The following ACOT12 variants were observed in gnomAD, a reference collection of about 807,000 sequenced individuals.
The protein encoded by ACOT12 is acetyl-coenzyme A thioesterase.
A neutral mutation model predicts 67.7 loss-of-function variants in ACOT12; 51 were observed. That is an observed-to-expected ratio of 0.75 (90% CI 0.60 to 0.95). The LOEUF is 0.95. ACOT12 is among the 40% of genes least tolerant of loss of function. The pLI, the probability that ACOT12 is intolerant of heterozygous loss-of-function variation, is 0.00. For missense variants in ACOT12, 734 were observed against 708.1 expected, an observed-to-expected ratio of 1.04 and a Z score of -0.41; for synonymous variants, 251 against 244.6, an observed-to-expected ratio of 1.03 and a Z score of -0.24.
chr5:81,386,026 T>C (rs1760717077), intron 1 of ACOT12, among the ~76,000 whole-genome samples, 200 bp from the exon 2 acceptor site: 1 of 152,254 alleles, frequency 6.6e-6, no homozygotes, highest in Non-Finnish European at 1.5e-5. Context: ...TAATGTATGG[T>C]AATTACTGCA....
At chr5:81,352,562 A>G (rs932670896) in intron 5 of ACOT12, among the ~76,000 whole-genome samples, 1 of 152,038 alleles carries the variant, frequency 6.6e-6, no homozygotes, top group Non-Finnish European at 1.5e-5. Context: ...AATCAAAACA[A>G]TTGAACTCAT....
In ACOT12 at chr5:81,347,802, T is replaced by A. The variant is rs1368040833; in HGVS notation, c.625A>T (p.Met209Leu). Reference protein sequence around the residue: ...NTFGGQIMAWMETVATISASR... With the variant: ...NTFGGQIMAWLETVATISASR... The stretch of plus-strand genomic sequence containing the variant: ...GCAGAAATAGTAGCCACTGTCTCCA[T>A]CCACGCCATAATCTGGCCACCAAAT... Residue 209 changes from methionine to leucine, a missense_variant, in exon 6 of 15, where the codon ATG (methionine) becomes TTG (leucine). Coordinates refer to ENST00000307624, the MANE Select transcript of ACOT12 (RefSeq NM_130767.3). The A allele has an allele frequency of 6.2e-7, 1 of 1,614,146 alleles. No homozygotes were observed.
At chr5:81,317,710 G>A in the ACOT12 span, among the ~76,000 whole-genome samples, 24,881 of 151,764 alleles carry the variant, frequency 0.16, 2,483 homozygotes, top group East Asian at 0.26. Flanking sequence ...ACTCTGTCAC[G>A]AGAACAGCAA....
intron 2 of ACOT12, among the ~76,000 whole-genome samples, chr5:81,374,200 T>A (rs1314575316): frequency 6.6e-6 from 1 of 152,100 alleles, no homozygotes; most frequent in Non-Finnish European, 1.5e-5. Flanking sequence ...GCAAACAGGG[T>A]CTGGAGTGGG....
At chr5:81,384,966 T>C (rs1420857537) in intron 2 of ACOT12, among the ~76,000 whole-genome samples, 1 of 152,170 alleles carries the variant, frequency 6.6e-6, no homozygotes, top group Admixed American at 6.5e-5. Context: ...ATGTTTGAAA[T>C]GTTTGTGTAT....
chr5:81,377,226 C>A (rs1046845936), intron 2 of ACOT12, among the ~76,000 whole-genome samples: 1 of 152,126 alleles, frequency 6.6e-6, no homozygotes, highest in South Asian at 2.1e-4. Context: ...TAAACAGAAC[C>A]GATGACAAAA....
intron 3 of ACOT12, among the ~76,000 whole-genome samples, chr5:81,370,509 G>A (rs114851757): frequency 8.1e-4 from 123 of 152,268 alleles, no homozygotes; most frequent in African/African-American, 2.9e-3. Context: ...CAATATGACC[G>A]ATATCTTTAT....
intron 10 of ACOT12, 87 bp from the exon 11 acceptor site, chr5:81,342,842 G>T: frequency 1.5e-6 from 2 of 1,332,754 alleles, no homozygotes; most frequent in Non-Finnish European, 1.1e-6. Context: ...AATGGGCACT[G>T]TTGGAGGAGG....
intron 3 of ACOT12, among the ~76,000 whole-genome samples, chr5:81,368,512 G>T (rs956205125): frequency 6.6e-6 from 1 of 151,610 alleles, no homozygotes; most frequent in Non-Finnish European, 1.5e-5. Flanking sequence ...CTCTGCAAAG[G>T]AATTAAATTA....
Position 81,332,481 on chromosome 5 carries a change from C to T in ACOT12, c.1387G>A (p.Asp463Asn), listed in dbSNP as rs1348404860. 1.2e-6 allele frequency: 2 copies of T among 1,613,970 alleles called. No individual in the cohort carries two copies. The highest frequency in any genetic ancestry group is 1.7e-6 in the Non-Finnish European group (2 of 1,179,954). The change falls in exon 13 of 15, where the codon GAT (aspartate) becomes AAT (asparagine). Residue 463 changes from aspartate (D) to asparagine (N), a missense_variant. By Grantham distance (23) the Asp-to-Asn change is conservative. Transcript: ENST00000307624. ...ACTTGGACTGCATATACTCACCCAT[C>T]TTTGAGGGGTTTTCTTCGTGATACG... is the stretch of plus-strand genomic sequence containing the variant. ...VLVSRRKPLK[D>N]GNTYTVAVKS...
chr5:81,347,942 A>G lies in ACOT12; in HGVS notation c.497-12T>C. 6.2e-7 allele frequency: 1 copy of G among 1,611,934 alleles called. No individual in the cohort carries two copies. The highest frequency in any genetic ancestry group is 8.5e-7 in the Non-Finnish European group (1 of 1,178,874). On this transcript the variant is annotated splice_polypyrimidine_tract_variant and intron_variant, in intron 5 of 14. Coordinates refer to ENST00000307624, the MANE Select transcript of ACOT12 (RefSeq NM_130767.3). ...ATCAAAAATGAGATCTGAAAGGTGG[A>G]TGTAAACATTAATGATGGTGGAGTG...
rs568765030 is a variant in ACOT12 at position 81,385,305 on chromosome 5, C to CA, written c.197+451dup. ...CTAAAAATAAATAAATAAATAAATACAAAAAAAATTAGCCAGGTGGGCATG... is the reference window on the plus strand; with the variant it reads ...CTAAAAATAAATAAATAAATAAATACAAAAAAAAATTAGCCAGGTGGGCATG... On this transcript the variant is annotated intron_variant, in intron 2 of 14. Transcript: ENST00000307624. 1.8e-3 allele frequency among the ~76,000 whole-genome samples: 268 copies of CA among 151,446 alleles called. 1 individual carries two copies. Among genetic ancestry groups the CA allele is most frequent in the Middle Eastern group, 0.017 (5 of 292 alleles).
intron 2 of ACOT12, among the ~76,000 whole-genome samples, chr5:81,383,223 C>A (rs1365053880): frequency 6.6e-6 from 1 of 151,970 alleles, no homozygotes; most frequent in African/African-American, 2.4e-5. Context: ...AATAAAAATA[C>A]AAACATTATC....
chr5:81,344,522 G>A (rs1759311426), intron 8 of ACOT12, among the ~76,000 whole-genome samples: 1 of 152,162 alleles, frequency 6.6e-6, no homozygotes, highest in African/African-American at 2.4e-5. Context: ...ATTAACATTG[G>A]CAATCAGGTA....
At chr5:81,384,840 G>T (rs1760684048) in intron 2 of ACOT12, among the ~76,000 whole-genome samples, 2 of 152,280 alleles carry the variant, frequency 1.3e-5, no homozygotes, top group South Asian at 4.1e-4. Context: ...TCTGTGAGTT[G>T]ATAATTGCTA....
At chr5:81,388,504 T>C (rs1760787369) in intron 1 of ACOT12, among the ~76,000 whole-genome samples, 2 of 152,150 alleles carry the variant, frequency 1.3e-5, no homozygotes, top group Admixed American at 6.5e-5. Context: ...AGAAGCTAAG[T>C]GATTGTAAGT....
intron 5 of ACOT12, among the ~76,000 whole-genome samples, chr5:81,353,755 G>A (rs1298935366): frequency 6.6e-6 from 1 of 152,154 alleles, no homozygotes. Context: ...GAAAGGATAT[G>A]ATCTGGATTC....
At chr5:81,336,999 C>T (rs1759025129) in intron 11 of ACOT12, among the ~76,000 whole-genome samples, 1 of 152,216 alleles carries the variant, frequency 6.6e-6, no homozygotes, top group South Asian at 2.1e-4. Context: ...CAAAGGAAGA[C>T]ATGACTGAGG....
At chr5:81,339,992 T>TG (rs1759137703) in intron 11 of ACOT12, among the ~76,000 whole-genome samples, 1 of 151,966 alleles carries the variant, frequency 6.6e-6, no homozygotes, top group Non-Finnish European at 1.5e-5. Flanking sequence ...CCCGAGTAGC[T>TG]GGGACTACAG....
Sources: gnomAD v4.1 joint callset for allele counts (sites outside exome capture counted in the v4.1 genomes callset) on GRCh38, gnomAD v4.1.1 for gene constraint, MANE v1.5 for transcripts, NCBI Gene and HGNC (gene_info 2026-07-23, HGNC 2026-07-21) for gene names.